The following NUBPL variants were observed in gnomAD, a reference collection of about 807,000 sequenced individuals.
NUBPL encodes the protein iron-sulfur cluster transfer protein NUBPL.
A neutral mutation model predicts 45.7 loss-of-function variants in NUBPL; 31 were observed. That is an observed-to-expected ratio of 0.68 (90% CI 0.51 to 0.92). NUBPL has a LOEUF of 0.92. NUBPL is among the 40% of genes least tolerant of loss of function. The probability of loss-of-function intolerance (pLI) is 0.00; values close to 1 mark genes in which losing one functional copy is unlikely to be tolerated. For synonymous variants in NUBPL, 144 were observed against 140.9 expected (o/e 1.02, Z -0.15); for missense variants, 401 against 398.7 (o/e 1.01, Z -0.05).
At chr14:31,635,608 T>G (rs1185452780) in intron 4 of NUBPL, among the ~76,000 whole-genome samples, 1 of 151,896 alleles carries the variant, frequency 6.6e-6, no homozygotes, top group Non-Finnish European at 1.5e-5. Context: ...TTAAAGTAGT[T>G]TTTTCCAATT....
chr14:31,702,368 C>T (rs1020621979), intron 6 of NUBPL, among the ~76,000 whole-genome samples: 1 of 152,212 alleles, frequency 6.6e-6, no homozygotes, highest in African/African-American at 2.4e-5. Flanking sequence ...ATTCTTTTGT[C>T]TCCTGTCCCT....
intron 4 of NUBPL, among the ~76,000 whole-genome samples, chr14:31,607,477 A>ATT (rs2034635310): frequency 6.6e-6 from 1 of 152,128 alleles, no homozygotes; most frequent in Admixed American, 6.6e-5. Flanking sequence ...AAACTCAAAG[A>ATT]AAGTCAAGAT....
chr14:31,718,003 G>C (rs951862689), intron 6 of NUBPL, among the ~76,000 whole-genome samples: 27 of 152,322 alleles, frequency 1.8e-4, no homozygotes, highest in African/African-American at 6.0e-4. Context: ...CCACTGTGTA[G>C]TATGTGGTAG....
chr14:31,830,811 C>G (rs1425890012), intron 8 of NUBPL, among the ~76,000 whole-genome samples: 1 of 152,252 alleles, frequency 6.6e-6, no homozygotes, highest in East Asian at 1.9e-4. Context: ...TCCCTTTACC[C>G]CAACTCATGG....
intron 3 of NUBPL, among the ~76,000 whole-genome samples, chr14:31,582,235 A>C (rs74040876): frequency 6.6e-6 from 1 of 151,912 alleles, no homozygotes; most frequent in African/African-American, 2.4e-5. Flanking sequence ...AATTATGTAA[A>C]AATTAATTTA....
chr14:31,639,953 G>C (rs1221459252), intron 4 of NUBPL, among the ~76,000 whole-genome samples: 2 of 152,156 alleles, frequency 1.3e-5, no homozygotes, highest in Non-Finnish European at 2.9e-5. Context: ...GCAGTATTAG[G>C]GTGGGAGTGA....
intron 10 of NUBPL, among the ~76,000 whole-genome samples, chr14:31,856,177 G>C (rs558309202): frequency 6.6e-6 from 1 of 152,256 alleles, no homozygotes; most frequent in South Asian, 2.1e-4. Flanking sequence ...GAATGGCAAG[G>C]AGGAACAAGT....
intron 6 of NUBPL, among the ~76,000 whole-genome samples, chr14:31,747,131 T>G (rs2038417105): frequency 7.2e-6 from 1 of 138,258 alleles, no homozygotes; most frequent in African/African-American, 3.1e-5. Flanking sequence ...GATTCAGTCC[T>G]GGGCTTTTCT....
intron 4 of NUBPL, among the ~76,000 whole-genome samples, chr14:31,627,055 T>C (rs1210823245): frequency 6.6e-6 from 1 of 152,180 alleles, no homozygotes; most frequent in East Asian, 1.9e-4. Context: ...ACCTTATTAG[T>C]AGATAATTCA....
intron 6 of NUBPL, among the ~76,000 whole-genome samples, chr14:31,676,994 A>T (rs1417273901): frequency 6.6e-6 from 1 of 151,900 alleles, no homozygotes; most frequent in African/African-American, 2.4e-5. Context: ...CCAAGGTTAT[A>T]ATGATAAGAA....
At chr14:31,675,243 A>G (rs924187175) in intron 6 of NUBPL, among the ~76,000 whole-genome samples, 1 of 152,220 alleles carries the variant, frequency 6.6e-6, no homozygotes, top group Non-Finnish European at 1.5e-5. Context: ...AAATGGATTC[A>G]TATTTTATTG....
intron 7 of NUBPL, among the ~76,000 whole-genome samples, chr14:31,797,874 G>A (rs1196324808): frequency 5.2e-5 from 7 of 133,386 alleles, no homozygotes; most frequent in East Asian, 2.1e-4. Flanking sequence ...GGCTGGTACC[G>A]GTTGTTCCTT....
intron 6 of NUBPL, among the ~76,000 whole-genome samples, chr14:31,731,270 A>AT (rs2038042695): frequency 6.6e-6 from 1 of 152,228 alleles, no homozygotes; most frequent in Admixed American, 6.5e-5. Context: ...ATGTGGAACG[A>AT]TAAAAAGGGG....
intron 4 of NUBPL, among the ~76,000 whole-genome samples, chr14:31,671,645 A>C (rs1160556997): frequency 6.6e-6 from 1 of 152,220 alleles, no homozygotes; most frequent in African/African-American, 2.4e-5. Flanking sequence ...GAATTGAGAA[A>C]ATCACATAGA....
intron 6 of NUBPL, among the ~76,000 whole-genome samples, chr14:31,720,041 C>T (rs1327819062): frequency 6.6e-6 from 1 of 152,148 alleles, no homozygotes; most frequent in African/African-American, 2.4e-5. Flanking sequence ...GAGCAGGAGC[C>T]TATAAACTTT....
intron 7 of NUBPL, among the ~76,000 whole-genome samples, chr14:31,805,387 T>C: frequency 6.6e-6 from 1 of 152,140 alleles, no homozygotes; most frequent in Non-Finnish European, 1.5e-5. Context: ...GACAGAACTA[T>C]CATTCAACCT....
At chr14:31,788,970 A>G (rs2138822928) in intron 7 of NUBPL, among the ~76,000 whole-genome samples, 1 of 152,334 alleles carries the variant, frequency 6.6e-6, no homozygotes, top group Non-Finnish European at 1.5e-5. Flanking sequence ...GCTGTGCAGC[A>G]TTTATACTAC....
At chr14:31,593,766 G>A (rs2034210707) in intron 3 of NUBPL, among the ~76,000 whole-genome samples, 1 of 152,132 alleles carries the variant, frequency 6.6e-6, no homozygotes, top group South Asian at 2.1e-4. Flanking sequence ...AGACTTAAAG[G>A]AAGTGAGTAA....
Position 31,819,911 on chromosome 14 carries a change from T to C in NUBPL, c.608-6718T>C, listed in dbSNP as rs544816223. Reference sequence around the variant, plus strand: ...ATCCCAGCACTTTAGGAGGCTGAGGTGGGCGGATCACGAGGTCAGGAGATC... The same window carrying C: ...ATCCCAGCACTTTAGGAGGCTGAGGCGGGCGGATCACGAGGTCAGGAGATC... On this transcript the variant is annotated intron_variant, in intron 7 of 10. Coordinates refer to ENST00000281081, the MANE Select transcript of NUBPL (RefSeq NM_025152.3). Among the ~76,000 whole-genome samples, 429 of 152,038 alleles carry C rather than the reference T, an allele frequency of 2.8e-3. 3 individuals carry two copies. The highest frequency in any genetic ancestry group is 9.9e-3 in the African/African-American group (412 of 41,472).
Sources: gnomAD v4.1 joint callset for allele counts (sites outside exome capture counted in the v4.1 genomes callset) on GRCh38, gnomAD v4.1.1 for gene constraint, MANE v1.5 for transcripts, NCBI Gene and HGNC (gene_info 2026-07-23, HGNC 2026-07-21) for gene names.